CTIF: variants seen among roughly 807,000 people sequenced by gnomAD.
CTIF encodes the protein CBP80/20-dependent translation initiation factor.
Under a neutral mutation model 66.0 loss-of-function variants are expected in CTIF, and 21 were observed. The observed-to-expected ratio is 0.32, with a 90% CI of 0.23 to 0.46. The LOEUF is 0.46. Among genes scored for constraint, CTIF ranks in the 20% least tolerant of loss-of-function variants. CTIF has a pLI of 1.00. For missense variants in CTIF, 739 were observed against 812.7 expected, an observed-to-expected ratio of 0.91 and a Z score of 1.10; for synonymous variants, 345 against 326.4, an observed-to-expected ratio of 1.06 and a Z score of -0.62.
chr18:48,831,454 G>A (rs1224874000), intron 10 of CTIF, among the ~76,000 whole-genome samples: 1 of 152,228 alleles, frequency 6.6e-6, no homozygotes, highest in East Asian at 1.9e-4. Context: ...GGCACCTGCT[G>A]TACACTGTGA....
chr18:48,794,427 C>T (rs562626235), intron 9 of CTIF, among the ~76,000 whole-genome samples: 1 of 152,046 alleles, frequency 6.6e-6, no homozygotes, highest in South Asian at 2.1e-4. Context: ...AGCTAAACTC[C>T]CAAACAGCAA....
intron 7 of CTIF, chr18:48,756,413 A>G (rs1413147546): frequency 6.6e-6 from 1 of 152,256 alleles, no homozygotes; most frequent in Non-Finnish European, 1.5e-5. Context: ...ATAAAAATGT[A>G]TCAAGTAAAT....
intron 3 of CTIF, among the ~76,000 whole-genome samples, chr18:48,643,176 A>G (rs4939787): frequency 0.6 from 90,719 of 152,136 alleles, 30,490 homozygotes; most frequent in East Asian, 0.94. Flanking sequence ...GCCTAGGGTA[A>G]CGCTTAGCTC....
At chr18:48,757,761 G>A (rs1047682636) in intron 7 of CTIF, among the ~76,000 whole-genome samples, 158 bp from the exon 8 acceptor site, 7 of 152,232 alleles carry the variant, frequency 4.6e-5, no homozygotes, top group Non-Finnish European at 8.8e-5. Flanking sequence ...CCCAGGGGCT[G>A]TCACAGACTC....
chr18:48,712,638 T>G (rs1381506149), intron 7 of CTIF, among the ~76,000 whole-genome samples: 1 of 152,250 alleles, frequency 6.6e-6, no homozygotes, highest in Non-Finnish European at 1.5e-5. Flanking sequence ...CTTTTGGTTC[T>G]ACCTTTAATG....
chr18:48,810,085 A>G (rs892489138), intron 9 of CTIF, among the ~76,000 whole-genome samples: 1 of 152,074 alleles, frequency 6.6e-6, no homozygotes, highest in Non-Finnish European at 1.5e-5. Context: ...TTTAAATTTA[A>G]TAATATGTGT....
chr18:48,541,453 C>T (rs577782957), intron 1 of CTIF, among the ~76,000 whole-genome samples: 1 of 152,356 alleles, frequency 6.6e-6, no homozygotes, highest in South Asian at 2.1e-4. Flanking sequence ...CGCCGGCTGT[C>T]CGTTCCCAGT....
At chr18:48,759,114 C>A (rs1236498391) in intron 8 of CTIF, among the ~76,000 whole-genome samples, 1 of 152,182 alleles carries the variant, frequency 6.6e-6, no homozygotes, top group Non-Finnish European at 1.5e-5. Flanking sequence ...CCTAAACCTC[C>A]AGAAGAGGGA....
intron 6 of CTIF, among the ~76,000 whole-genome samples, chr18:48,684,262 A>G (rs1389349023): frequency 6.6e-6 from 1 of 152,198 alleles, no homozygotes; most frequent in African/African-American, 2.4e-5. Context: ...TTTTTTATCA[A>G]AATAGTACCT....
At chr18:48,820,879 C>T (rs2068469304) in intron 10 of CTIF, among the ~76,000 whole-genome samples, 1 of 152,192 alleles carries the variant, frequency 6.6e-6, no homozygotes, top group East Asian at 1.9e-4. Context: ...GTCTGGGGGT[C>T]CTTGTGCTCA....
intron 7 of CTIF, among the ~76,000 whole-genome samples, chr18:48,718,896 T>G (rs974195967): frequency 1.3e-5 from 2 of 152,150 alleles, no homozygotes; most frequent in Admixed American, 1.3e-4. Context: ...AGGTGAGCAC[T>G]CAGAGCACCC....
intron 1 of CTIF, chr18:48,565,773 G>T (rs2089267131): frequency 1.3e-5 from 2 of 152,262 alleles, no homozygotes; most frequent in African/African-American, 4.8e-5. Flanking sequence ...GTTATGTGGG[G>T]GACAGACAGA....
At chr18:48,696,108 C>T (rs62105201) in intron 6 of CTIF, among the ~76,000 whole-genome samples, 4,842 of 152,360 alleles carry the variant, frequency 0.032, 101 homozygotes, top group African/African-American at 0.043. Flanking sequence ...CACTTCTTCC[C>T]CAGCTGTCAG....
At chr18:48,583,348 C>T (rs1176879588) in intron 1 of CTIF, among the ~76,000 whole-genome samples, 1 of 152,172 alleles carries the variant, frequency 6.6e-6, no homozygotes, top group Non-Finnish European at 1.5e-5. Context: ...AATGAATGCC[C>T]TGTTATCTTA....
intron 6 of CTIF, among the ~76,000 whole-genome samples, chr18:48,677,238 C>T (rs767034513): frequency 1.5e-4 from 23 of 152,320 alleles, no homozygotes; most frequent in Non-Finnish European, 3.1e-4. Flanking sequence ...CCTCCCCAGG[C>T]CCTGTGCACC....
chr18:48,587,104 C>T (rs954983003), intron 1 of CTIF, among the ~76,000 whole-genome samples: 11 of 142,300 alleles, frequency 7.7e-5, no homozygotes, highest in East Asian at 2.0e-4. Flanking sequence ...TTAATTGAGA[C>T]GGAGTCTTGC....
chr18:48,843,823 A>G (rs1365063794), intron 10 of CTIF, among the ~76,000 whole-genome samples: 2 of 151,900 alleles, frequency 1.3e-5, no homozygotes, highest in South Asian at 4.2e-4. Context: ...CCATCAGCCT[A>G]TTTATGTGGG....
chr18:48,658,490 A>G (rs2091282769), intron 3 of CTIF, among the ~76,000 whole-genome samples: 1 of 151,856 alleles, frequency 6.6e-6, no homozygotes, highest in Admixed American at 6.6e-5. Context: ...TGTGGTATAT[A>G]TATGCATGTA....
At chr18:48,597,204 C>T (rs559288992) in intron 1 of CTIF, among the ~76,000 whole-genome samples, 95 of 152,216 alleles carry the variant, frequency 6.2e-4, no homozygotes, top group Non-Finnish European at 1.2e-3. Flanking sequence ...GCCTACCTTG[C>T]ATGAGGCAGC....
Sources: allele counts gnomAD v4.1 joint callset (sites outside exome capture counted in the v4.1 genomes callset), GRCh38; gene constraint gnomAD v4.1.1; transcripts MANE v1.5; gene names NCBI Gene and HGNC (gene_info 2026-07-23, HGNC 2026-07-21).